The following RABGAP1L variants were observed in gnomAD, a reference collection of about 807,000 sequenced individuals.
RABGAP1L encodes the protein RAB GTPase activating protein 1 like.
In RABGAP1L, 63 loss-of-function variants were observed where a neutral mutation model predicts 137.7. That is an observed-to-expected ratio of 0.46 (90% confidence interval 0.37 to 0.56). The LOEUF is 0.56. Ranked by LOEUF, RABGAP1L falls within the 20% of genes least tolerant of loss-of-function variation. RABGAP1L has a pLI of 0.00. For synonymous variants in RABGAP1L, 431 were observed against 433.7 expected, an observed-to-expected ratio of 0.99 and a Z score of 0.08; for missense variants, 1,095 against 1,244.0, an observed-to-expected ratio of 0.88 and a Z score of 1.80.
At chr1:174,430,605 G>T (rs576325314) in intron 13 of RABGAP1L, among the ~76,000 whole-genome samples, 74 of 152,252 alleles carry the variant, frequency 4.9e-4, no homozygotes, top group African/African-American at 1.8e-3. Flanking sequence ...AAGTATGAAA[G>T]CAAGTTAGAA....
At chr1:174,922,982 C>T (rs989316583) in intron 19 of RABGAP1L, among the ~76,000 whole-genome samples, 4 of 151,840 alleles carry the variant, frequency 2.6e-5, no homozygotes, top group East Asian at 1.9e-4. Flanking sequence ...GAGACCAGCC[C>T]GGGCAACAGA....
intron 19 of RABGAP1L, among the ~76,000 whole-genome samples, chr1:174,927,576 T>A (rs573377346): frequency 6.6e-6 from 1 of 152,126 alleles, no homozygotes; most frequent in African/African-American, 2.4e-5. Context: ...GGTTTTGCTA[T>A]GTTGATCAGA....
chr1:174,190,203 T>C (rs1484048009), intron 1 of RABGAP1L, among the ~76,000 whole-genome samples: 1 of 150,300 alleles, frequency 6.7e-6, no homozygotes, highest in African/African-American at 2.5e-5. Flanking sequence ...CTTGGGAGGC[T>C]GAGCCAGGAG....
chr1:174,736,856 G>C (rs1682990361), intron 17 of RABGAP1L, among the ~76,000 whole-genome samples: 1 of 152,194 alleles, frequency 6.6e-6, no homozygotes, highest in Non-Finnish European at 1.5e-5. Flanking sequence ...GCCATGACTG[G>C]AGCCAGAACA....
chr1:174,941,847 T>C (rs868568375), intron 19 of RABGAP1L, among the ~76,000 whole-genome samples: 1 of 152,226 alleles, frequency 6.6e-6, no homozygotes, highest in Non-Finnish European at 1.5e-5. Flanking sequence ...TACACCATCA[T>C]AGAATGAGGC....
At chr1:174,489,079 G>A (rs1050735131) in intron 13 of RABGAP1L, among the ~76,000 whole-genome samples, 9 of 151,752 alleles carry the variant, frequency 5.9e-5, no homozygotes, top group Non-Finnish European at 8.8e-5. Flanking sequence ...CATCCATGTC[G>A]CTACAAAGGA....
In RABGAP1L at chr1:174,275,952, G is replaced by A; in HGVS notation, c.1156+17G>A. ...CCCCAAAAGGTGACTTTTCTTAAAA[G>A]ATCCCTTATTGTTTGCTTTACATTT... On this transcript the variant is annotated intron_variant, in intron 9 of 25. Coordinates refer to ENST00000681986, the MANE Select transcript of RABGAP1L (RefSeq NM_001366446.1). 1 of 1,584,158 alleles carries A rather than the reference G, an allele frequency of 6.3e-7. No individual in the cohort carries two copies. Among genetic ancestry groups the A allele is most frequent in the East Asian group, 2.2e-5 (1 of 44,546 alleles).
At chr1:174,800,040 C>T (rs910338025) in intron 18 of RABGAP1L, 18 of 1,188,760 alleles carry the variant, frequency 1.5e-5, no homozygotes, top group Non-Finnish European at 1.7e-5. Flanking sequence ...ACACATGTAT[C>T]TGAACTCTCC....
intron 11 of RABGAP1L, among the ~76,000 whole-genome samples, chr1:174,349,605 C>T (rs1187324954): frequency 6.9e-5 from 10 of 144,092 alleles, no homozygotes; most frequent in African/African-American, 2.3e-4. Flanking sequence ...CCACCTCCCT[C>T]CCGGATGGGG....
intron 18 of RABGAP1L, among the ~76,000 whole-genome samples, chr1:174,800,755 C>T (rs1456748088): frequency 1.3e-5 from 2 of 151,964 alleles, no homozygotes; most frequent in African/African-American, 4.8e-5. Context: ...ATCTCTGTGG[C>T]AGCAAAAAAA....
At chr1:174,215,819 A>G (rs184880478) in intron 1 of RABGAP1L, among the ~76,000 whole-genome samples, 1 of 152,348 alleles carries the variant, frequency 6.6e-6, no homozygotes, top group African/African-American at 2.4e-5. Context: ...TCCCACTGCT[A>G]GGTATATACT....
chr1:174,385,213 C>T (rs1686657468), intron 12 of RABGAP1L, among the ~76,000 whole-genome samples: 1 of 152,118 alleles, frequency 6.6e-6, no homozygotes, highest in Admixed American at 6.5e-5. Flanking sequence ...TGATCGGATT[C>T]TGGATATATT....
intron 13 of RABGAP1L, among the ~76,000 whole-genome samples, chr1:174,525,063 A>G (rs1663759489): frequency 6.6e-6 from 1 of 151,984 alleles, no homozygotes; most frequent in South Asian, 2.1e-4. Context: ...ATATAATGTG[A>G]TGTCAGGTAG....
intron 19 of RABGAP1L, among the ~76,000 whole-genome samples, chr1:174,908,088 G>T (rs1219244190): frequency 6.6e-6 from 1 of 152,126 alleles, no homozygotes; most frequent in African/African-American, 2.4e-5. Flanking sequence ...TGATAAAAGG[G>T]TCAATTAAGC....
At chr1:174,473,098 GA>G (rs1394291337) in intron 13 of RABGAP1L, among the ~76,000 whole-genome samples, 1 of 151,922 alleles carries the variant, frequency 6.6e-6, no homozygotes, top group Non-Finnish European at 1.5e-5. Flanking sequence ...GTTAGGAAGA[GA>G]AAAACAACTC....
At chr1:174,796,212 T>A (rs1217707014) in intron 18 of RABGAP1L, among the ~76,000 whole-genome samples, 1 of 152,146 alleles carries the variant, frequency 6.6e-6, no homozygotes, top group African/African-American at 2.4e-5. Flanking sequence ...ATGCTTATAA[T>A]CCCAGCTACT....
chr1:174,726,252 C>T (rs184197795), intron 17 of RABGAP1L, among the ~76,000 whole-genome samples: 4 of 151,938 alleles, frequency 2.6e-5, no homozygotes, highest in Non-Finnish European at 4.4e-5. Flanking sequence ...GACTTTTGGG[C>T]TAACATCTCT....
rs765320867 is a variant in RABGAP1L at position 174,991,454 on chromosome 1, A to G, written c.*1453A>G. ...TTGCAATTAAAAGTAACACACCCTTAGAAGAATCAAATAAGAGCCATCTAC... is the reference window on the plus strand; with the variant it reads ...TTGCAATTAAAAGTAACACACCCTTGGAAGAATCAAATAAGAGCCATCTAC... On this transcript the variant is annotated 3_prime_UTR_variant, in exon 26 of 26. Coordinates refer to ENST00000681986, the MANE Select transcript of RABGAP1L (RefSeq NM_001366446.1). 2.0e-4 allele frequency: 30 copies of G among 152,236 alleles called. No homozygotes were observed. Among genetic ancestry groups the G allele is most frequent in the Non-Finnish European group, 3.5e-4 (24 of 68,032 alleles). The allele number at this position is 152,236 out of a possible 1,614,324, so 9.4% of individuals were successfully genotyped here. A position where few individuals can be genotyped will look rare whatever the true frequency, so the allele number is the denominator to read the frequency against.
chr1:174,901,419 C>T (rs1024763267), intron 19 of RABGAP1L, among the ~76,000 whole-genome samples: 6 of 152,184 alleles, frequency 3.9e-5, no homozygotes, highest in South Asian at 2.1e-4. Flanking sequence ...AATGAGTGCC[C>T]GGTAAAGGGA....
Sources: allele counts gnomAD v4.1 joint callset (sites outside exome capture counted in the v4.1 genomes callset), GRCh38; gene constraint gnomAD v4.1.1; transcripts MANE v1.5; gene names NCBI Gene and HGNC (gene_info 2026-07-23, HGNC 2026-07-21).